The following TNS1 variants were observed in gnomAD, a reference collection of about 807,000 sequenced individuals.
The protein encoded by TNS1 is tensin-1.
Under a neutral mutation model 168.6 loss-of-function variants are expected in TNS1, and 62 were observed. The ratio of observed to expected loss-of-function variants is 0.37; its 90% confidence interval spans 0.30 to 0.45. The LOEUF is 0.45. TNS1 is among the 20% of genes least tolerant of loss of function. The pLI, the probability that TNS1 is intolerant of heterozygous loss-of-function variation, is 1.00. For missense variants in TNS1, 2,240 were observed against 2,339.4 expected (o/e 0.96, Z 0.88); for synonymous variants, 934 against 933.2 (o/e 1.00, Z -0.02).
At chr2:217,883,480 G>C (rs1051810380) in intron 16 of TNS1, among the ~76,000 whole-genome samples, 3 of 152,074 alleles carry the variant, frequency 2.0e-5, no homozygotes, top group Non-Finnish European at 4.4e-5. Context: ...TACCAGGCTA[G>C]TCTTAAACTC....
chr2:217,983,072 T>C (rs1000696338), intron 2 of TNS1, among the ~76,000 whole-genome samples: 4 of 152,030 alleles, frequency 2.6e-5, no homozygotes, highest in Non-Finnish European at 4.4e-5. Flanking sequence ...CATCAGACAC[T>C]GCTGGGGAGA....
chr2:217,902,556 C>G (rs1362428929), intron 6 of TNS1, among the ~76,000 whole-genome samples: 1 of 152,130 alleles, frequency 6.6e-6, no homozygotes, highest in Admixed American at 6.5e-5. Flanking sequence ...GACCTGGCTC[C>G]CCTTTCCCCA....
At chr2:217,981,128 G>A (rs1329567181) in intron 2 of TNS1, among the ~76,000 whole-genome samples, 3 of 152,208 alleles carry the variant, frequency 2.0e-5, no homozygotes, top group African/African-American at 7.2e-5. Context: ...CTAGGACAGT[G>A]TCTGCTTCAG....
intron 1 of TNS1, among the ~76,000 whole-genome samples, chr2:218,017,018 C>A (rs1228794898): frequency 6.6e-6 from 1 of 152,182 alleles, no homozygotes; most frequent in Admixed American, 6.5e-5. Flanking sequence ...ACAAGGTAGA[C>A]ACAGCCTCAC....
intron 22 of TNS1, chr2:217,829,789 T>G (rs55694913): frequency 0.7 from 1,132,311 of 1,607,078 alleles, 400,636 homozygotes; most frequent in African/African-American, 0.81. Context: ...AAGCCCTGCT[T>G]TGAAAAGCCA....
At chr2:217,805,487 CACACA>C (rs1938455582) in intron 32 of TNS1, among the ~76,000 whole-genome samples, 2 of 4,674 alleles carry the variant, frequency 4.3e-4, no homozygotes, top group South Asian at 5.7e-3. Flanking sequence ...ACACACACCA[CACACA>C]CACCACACAC....
intron 19 of TNS1, 62 bp from the exon 20 acceptor site, chr2:217,836,273 C>T: frequency 1.3e-6 from 2 of 1,504,488 alleles, no homozygotes; most frequent in South Asian, 1.3e-5. Context: ...GATCAATCGG[C>T]CTAATCCCAT....
chr2:217,914,953 G>A lies in TNS1; in HGVS notation c.228+5242C>T, dbSNP rs556631289. On this transcript the variant is annotated intron_variant, in intron 4 of 32. Transcript: ENST00000682258. ...CACTCCCATTCTGTGCCCGTCCCAC[G>A]TCTTCTCTCTCTAGGCTAAGCGGCC... 3.2e-4 allele frequency among the ~76,000 whole-genome samples: 48 copies of A among 152,302 alleles called. No homozygotes were observed. In the Middle Eastern group the frequency reaches 0.024, roughly 76 times the overall value.
At chr2:217,979,040 A>G in intron 2 of TNS1, 1 of 465,650 alleles carries the variant, frequency 2.1e-6, no homozygotes, top group Non-Finnish European at 3.8e-6. Flanking sequence ...GGGCTCCCAG[A>G]GCCAGAGCCC....
At chr2:217,957,878 G>A (rs914756819) in intron 3 of TNS1, among the ~76,000 whole-genome samples, 3 of 150,474 alleles carry the variant, frequency 2.0e-5, no homozygotes, top group Admixed American at 2.0e-4. Context: ...GGAGAAGAGG[G>A]AGAACAGATG....
chr2:217,903,734 G>A, intron 6 of TNS1: 1 of 820,522 alleles, frequency 1.2e-6, no homozygotes, highest in Non-Finnish European at 2.0e-6. Context: ...CCTTCCTGCT[G>A]CAGATTCAGC....
chr2:217,935,249 A>G (rs1230139996), intron 3 of TNS1, among the ~76,000 whole-genome samples: 1 of 152,248 alleles, frequency 6.6e-6, no homozygotes, highest in Non-Finnish European at 1.5e-5. Flanking sequence ...GTGAAGGGGC[A>G]CTGGACTCCA....
chr2:217,884,579 T>C (rs1951015972), intron 16 of TNS1, among the ~76,000 whole-genome samples: 1 of 152,118 alleles, frequency 6.6e-6, no homozygotes, highest in African/African-American at 2.4e-5. Context: ...TATCCCCTGC[T>C]AGTCTGCCTC....
chr2:217,848,189 C>T lies in TNS1; in HGVS notation c.2328G>A (p.Gln776=). Residue 776 remains glutamine (Q), a synonymous_variant, in exon 19 of 33, where the codon CAG becomes CAA. Transcript: ENST00000682258. ...EAVQRGLNSW[Q]QQQQQQQQPR... ...GCTGCTGCTGCTGCTGCTGCTGCTG[C>T]TGCCACGAATTCAGTCCCCTTTGCA... 1 of 1,604,908 alleles carries T rather than the reference C, an allele frequency of 6.2e-7. No homozygotes were observed. Among genetic ancestry groups the T allele is most frequent in the Non-Finnish European group, 8.5e-7 (1 of 1,175,262 alleles).
At chr2:217,955,902 A>T (rs1410578886) in intron 3 of TNS1, among the ~76,000 whole-genome samples, 1 of 152,044 alleles carries the variant, frequency 6.6e-6, no homozygotes, top group East Asian at 1.9e-4. Context: ...GAGACAGGGG[A>T]CTCTCAGCAC....
intron 4 of TNS1, among the ~76,000 whole-genome samples, chr2:217,909,548 T>C (rs1208465807): frequency 6.7e-6 from 1 of 149,940 alleles, no homozygotes; most frequent in Non-Finnish European, 1.5e-5. Flanking sequence ...TAGAGGGCTG[T>C]TGACCCACAG....
In TNS1 at chr2:217,942,537, C is replaced by T. The variant is rs139915028; in HGVS notation, c.187-22301G>A. On this transcript the variant is annotated intron_variant, in intron 3 of 32. Coordinates refer to ENST00000682258, the MANE Select transcript of TNS1 (RefSeq NM_001387777.1). The stretch of plus-strand genomic sequence containing the variant: ...CCAAGGAGAGCTGTATTCAGGCTTA[C>T]AGGAGTGGCCACCAGCTGGCAGGGG... Among the ~76,000 whole-genome samples the T allele has an allele frequency of 5.3e-3, 800 of 152,296 alleles. 6 individuals carry two copies. The highest frequency in any genetic ancestry group is 0.018 in the African/African-American group (761 of 41,558).
intron 28 of TNS1, among the ~76,000 whole-genome samples, chr2:217,810,879 ATTT>A (rs5838670): frequency 6.9e-6 from 1 of 144,616 alleles, no homozygotes; most frequent in Non-Finnish European, 1.5e-5. Context: ...ATGGTACATA[ATTT>A]TTTTTTTTTT....
intron 1 of TNS1, among the ~76,000 whole-genome samples, chr2:217,998,864 A>G (rs1004451950): frequency 7.9e-5 from 12 of 151,958 alleles, no homozygotes; most frequent in Non-Finnish European, 1.5e-4. Flanking sequence ...CCTTCTCCCT[A>G]CAGTCCAGGT....
Sources: gnomAD v4.1 joint callset for allele counts (sites outside exome capture counted in the v4.1 genomes callset) on GRCh38, gnomAD v4.1.1 for gene constraint, MANE v1.5 for transcripts, NCBI Gene and HGNC (gene_info 2026-07-23, HGNC 2026-07-21) for gene names.